The following RBFOX2 variants were observed in gnomAD, a reference collection of about 807,000 sequenced individuals.
RBFOX2 encodes the protein RNA binding fox-1 homolog 2, also known as RNA binding protein fox-1 homolog 2.
RBFOX2 carries 10 observed loss-of-function variants against 49.1 expected under a neutral mutation model. The observed-to-expected ratio is 0.20, with a 90% CI of 0.13 to 0.35. The LOEUF is 0.35. RBFOX2 is among the 10% of genes least tolerant of loss of function. The probability of loss-of-function intolerance (pLI) is 1.00; values close to 1 mark genes in which losing one functional copy is unlikely to be tolerated. For synonymous variants in RBFOX2, 183 were observed against 187.4 expected (o/e 0.98, Z 0.19); for missense variants, 323 against 486.9 (o/e 0.66, Z 3.17).
chr22:35,864,948 G>A (rs553749796), intron 1 of RBFOX2, among the ~76,000 whole-genome samples: 2 of 152,190 alleles, frequency 1.3e-5, no homozygotes, highest in African/African-American at 2.4e-5. Context: ...TCCCTCTCAG[G>A]AGGCCCTGCC....
At chr22:35,951,216 A>C in intron 1 of RBFOX2, among the ~76,000 whole-genome samples, 1 of 145,004 alleles carries the variant, frequency 6.9e-6, no homozygotes, top group South Asian at 2.2e-4. Flanking sequence ...GGCCTCCCAA[A>C]GTGCTGGGAT....
chr22:36,022,385 A>G (rs2059277488), intron 1 of RBFOX2, among the ~76,000 whole-genome samples: 1 of 152,234 alleles, frequency 6.6e-6, no homozygotes, highest in South Asian at 2.1e-4. Flanking sequence ...TGAAAAAAAA[A>G]TGACAGAGTA....
intron 1 of RBFOX2, among the ~76,000 whole-genome samples, chr22:36,008,729 A>C (rs983211969): frequency 6.6e-6 from 1 of 152,080 alleles, no homozygotes; most frequent in Admixed American, 6.5e-5. Flanking sequence ...GAGGCATAAG[A>C]ATCACTTGAA....
intron 1 of RBFOX2, among the ~76,000 whole-genome samples, chr22:35,860,318 T>A (rs1376149304): frequency 6.6e-6 from 1 of 152,156 alleles, no homozygotes; most frequent in Admixed American, 6.5e-5. Flanking sequence ...GGAATACAGA[T>A]GAACTGCTCC....
chr22:35,906,689 C>T (rs1489796631), intron 1 of RBFOX2, among the ~76,000 whole-genome samples: 3 of 152,062 alleles, frequency 2.0e-5, no homozygotes, highest in Non-Finnish European at 4.4e-5. Flanking sequence ...GTGGCACACA[C>T]CTGTTAGTCC....
At chr22:35,913,727 T>C (rs1268209751) in intron 1 of RBFOX2, among the ~76,000 whole-genome samples, 3 of 151,876 alleles carry the variant, frequency 2.0e-5, no homozygotes, top group Admixed American at 6.6e-5. Context: ...ATAGAAAGGC[T>C]ATGGGTAAAG....
chr22:35,890,260 T>C (rs1161015463), intron 1 of RBFOX2, among the ~76,000 whole-genome samples: 1 of 152,170 alleles, frequency 6.6e-6, no homozygotes, highest in East Asian at 1.9e-4. Context: ...TCTAGCCTTG[T>C]ACCATGCTGA....
exon 1 of RBFOX2, chr22:35,840,468 G>A (rs1007567395): frequency 2.1e-6 from 3 of 1,402,386 alleles, no homozygotes; most frequent in Non-Finnish European, 2.8e-6. Context: ...GCTGAAGGAA[G>A]CCCCACCCCT....
At chr22:35,821,603 A>C (rs888881129) in intron 1 of RBFOX2, among the ~76,000 whole-genome samples, 29 of 48,804 alleles carry the variant, frequency 5.9e-4, no homozygotes, top group African/African-American at 1.3e-3. Context: ...CTCCGTCTCC[A>C]AAAAAAAAAA....
intron 4 of RBFOX2, 36 bp downstream of exon 5, chr22:35,777,989 G>C (rs1238930402): frequency 1.9e-6 from 3 of 1,561,438 alleles, no homozygotes; most frequent in Non-Finnish European, 8.7e-7. Context: ...AACTCAAAAA[G>C]AAATCAAGCA....
intron 1 of RBFOX2, among the ~76,000 whole-genome samples, chr22:35,886,548 C>A (rs1044264148): frequency 1.3e-5 from 2 of 152,190 alleles, no homozygotes; most frequent in South Asian, 2.1e-4. Flanking sequence ...CTACTACACA[C>A]CTCGGCTATA....
At chr22:35,752,028 A>G (rs1935123551) in intron 9 of RBFOX2, among the ~76,000 whole-genome samples, 1 of 152,186 alleles carries the variant, frequency 6.6e-6, no homozygotes, top group Non-Finnish European at 1.5e-5. Context: ...CTATTATCCA[A>G]ATGAACTCAC....
chr22:35,775,072 G>A (rs965820964), intron 4 of RBFOX2, among the ~76,000 whole-genome samples: 2 of 152,154 alleles, frequency 1.3e-5, no homozygotes, highest in East Asian at 1.9e-4. Context: ...TTCAAAATAC[G>A]CTGTAATTTT....
rs1435207608 is a variant in RBFOX2 at position 35,765,494 on chromosome 22, C to A, written c.547-11G>T. On this transcript the variant is annotated splice_polypyrimidine_tract_variant and intron_variant, in intron 5 of 11. Transcript: ENST00000405409. ...TGTAGCATTATTCACCTAAAAATAA[C>A]AAGGAGAAAAAAGGGCAGGGAAGAA... 2.7e-6 allele frequency: 4 copies of A among 1,503,334 alleles called. No homozygotes were observed. The highest frequency in any genetic ancestry group is 3.7e-6 in the Non-Finnish European group (4 of 1,091,552). 93.1% of individuals were successfully genotyped at this position (1,503,334 alleles called of 1,614,324 possible).
chr22:35,930,044 C>G (rs905280470), intron 1 of RBFOX2, among the ~76,000 whole-genome samples: 8 of 120,004 alleles, frequency 6.7e-5, no homozygotes, highest in South Asian at 5.2e-4. Flanking sequence ...TTTTTTGAGA[C>G]GGAGTCTCAC....
chr22:36,003,536 G>A (rs1215125892), intron 1 of RBFOX2, among the ~76,000 whole-genome samples: 2 of 152,218 alleles, frequency 1.3e-5, no homozygotes, highest in Admixed American at 6.5e-5. Context: ...TCTAGGAAAA[G>A]AACAGATATT....
At chr22:35,753,912 A>T (rs1935952374) in intron 9 of RBFOX2, among the ~76,000 whole-genome samples, 1 of 150,264 alleles carries the variant, frequency 6.7e-6, no homozygotes, top group Non-Finnish European at 1.5e-5. Flanking sequence ...CCTCCCAAGT[A>T]GCTGAAACTA....
intron 1 of RBFOX2, among the ~76,000 whole-genome samples, chr22:35,990,009 C>A (rs889292693): frequency 6.6e-6 from 1 of 152,056 alleles, no homozygotes; most frequent in Non-Finnish European, 1.5e-5. Flanking sequence ...TGGTGAAACC[C>A]CAACTCTACT....
chr22:36,004,522 G>A (rs561673175), intron 1 of RBFOX2, among the ~76,000 whole-genome samples: 5 of 152,118 alleles, frequency 3.3e-5, no homozygotes, highest in Admixed American at 1.3e-4. Flanking sequence ...ACAGCTGGGC[G>A]AGGTGGTTCA....
Sources: allele counts gnomAD v4.1 joint callset (sites outside exome capture counted in the v4.1 genomes callset), GRCh38; gene constraint gnomAD v4.1.1; transcripts MANE v1.5; gene names NCBI Gene and HGNC (gene_info 2026-07-23, HGNC 2026-07-21).